Variants in PDE4DIP observed in about 807,000 individuals in gnomAD.
The protein encoded by PDE4DIP is phosphodiesterase 4D interacting protein.
A neutral mutation model predicts 221.4 loss-of-function variants in PDE4DIP; 59 were observed. That is an observed-to-expected ratio of 0.27 (90% confidence interval 0.22 to 0.33). PDE4DIP has a LOEUF of 0.33. PDE4DIP is among the 10% of genes least tolerant of loss of function. The probability of loss-of-function intolerance (pLI) is 1.00; values close to 1 mark genes in which losing one functional copy is unlikely to be tolerated. For synonymous variants in PDE4DIP, 404 were observed against 815.9 expected (o/e 0.50, Z 8.60); for missense variants, 1,036 against 2,154.2 (o/e 0.48, Z 10.28).
At chr1:149,024,305 G>A (rs1466989904) in intron 37 of PDE4DIP, 140 bp from the exon 41 acceptor site, 1 of 778,242 alleles carries the variant, frequency 1.3e-6, no homozygotes, top group African/African-American at 1.7e-5. Context: ...ACACAGAAAT[G>A]GTGACATCTC....
At chr1:148,852,459 A>AC (rs1216385965) in intron 1 of PDE4DIP, among the ~76,000 whole-genome samples, 1 of 19,674 alleles carries the variant, frequency 5.1e-5, no homozygotes, top group African/African-American at 1.7e-4. Context: ...AAAAAAAAAA[A>AC]AAAAAAAAAA....
At chr1:149,001,177 G>C (rs2065574650) in intron 23 of PDE4DIP, among the ~76,000 whole-genome samples, 1 of 151,994 alleles carries the variant, frequency 6.6e-6, no homozygotes, top group Non-Finnish European at 1.5e-5. Flanking sequence ...CCAATGGTTT[G>C]AAACTGACTG....
chr1:148,933,611 G>T (rs1241510935), intron 4 of PDE4DIP, among the ~76,000 whole-genome samples: 2 of 152,120 alleles, frequency 1.3e-5, no homozygotes, highest in Admixed American at 1.3e-4. Context: ...ATAAGACTGT[G>T]GTGGTATAAA....
At chr1:149,010,153 G>T (rs1429148441) in intron 30 of PDE4DIP, among the ~76,000 whole-genome samples, 7 of 152,178 alleles carry the variant, frequency 4.6e-5, no homozygotes, top group Non-Finnish European at 1.5e-5. Context: ...CCTGAGCAGT[G>T]TTCCCTAAGT....
chr1:148,989,452 C>T (rs1335029803), intron 21 of PDE4DIP: 38 of 505,362 alleles, frequency 7.5e-5, no homozygotes, highest in East Asian at 1.4e-4. Context: ...AGAATGCAGA[C>T]GTGGCACCAG....
chr1:148,880,157 A>G (rs1219424345), intron 3 of PDE4DIP, among the ~76,000 whole-genome samples: 5 of 59,956 alleles, frequency 8.3e-5, no homozygotes, highest in Non-Finnish European at 1.4e-4. Flanking sequence ...CTTTATCCAC[A>G]TGATGAGGCT....
At chr1:148,910,057 A>G (rs2042503464) in intron 1 of PDE4DIP, among the ~76,000 whole-genome samples, 1 of 102,858 alleles carries the variant, frequency 9.7e-6, no homozygotes, top group Admixed American at 1.0e-4. Context: ...ATATTCATGT[A>G]TAAGTCTTTG....
chr1:148,953,063 A>G (rs2053985804), intron 5 of PDE4DIP: 2 of 1,614,152 alleles, frequency 1.2e-6, no homozygotes, highest in African/African-American at 2.7e-5. Flanking sequence ...CTGCATTGCC[A>G]GTATGTATCG....
At position 148,862,147 on chromosome 1, in the gene PDE4DIP, C is replaced by T. The variant is rs1572100549; in HGVS notation, c.234-1103C>T. 2.0e-5 allele frequency among the ~76,000 whole-genome samples: 3 copies of T among 147,376 alleles called. No homozygotes were observed. The East Asian group carries it at 5.9e-4, about 29-fold the overall frequency. ...TTGCAATCCCCTCTACCTCCTCCTA[C>T]CTCCAGCTCTCCCTATCCACATTCC... On this transcript the variant is annotated intron_variant, in intron 1 of 45. Transcript: ENST00000524974.
At chr1:148,983,326 T>C (rs1482065202) in intron 21 of PDE4DIP, 1 of 152,096 alleles carries the variant, frequency 6.6e-6, no homozygotes, top group East Asian at 1.9e-4. Context: ...CAGCTCTGGG[T>C]GATTCTTCAT....
intron 1 of PDE4DIP, among the ~76,000 whole-genome samples, chr1:148,907,058 C>CAA (rs141784609): frequency 2.0e-5 from 3 of 149,370 alleles, no homozygotes; most frequent in Admixed American, 6.6e-5. Context: ...TCAAAAAAAC[C>CAA]AAAAAAAACA....
At chr1:148,987,927 G>T (rs1261350412) in intron 21 of PDE4DIP, among the ~76,000 whole-genome samples, 1 of 152,098 alleles carries the variant, frequency 6.6e-6, no homozygotes, top group Non-Finnish European at 1.5e-5. Flanking sequence ...AAAAAAAGAG[G>T]TCATGAAGTT....
chr1:149,023,632 A>G lies in PDE4DIP; in HGVS notation c.6086-813A>G, dbSNP rs868967265. On this transcript the variant is annotated intron_variant, in intron 37 of 43. Coordinates refer to ENST00000369354, the Ensembl canonical transcript of PDE4DIP. ...TGTGCACATATATATGTACATGTAT[A>G]TGTGTGCACATATATATGTACATGT... Among the ~76,000 whole-genome samples, 194 of 108,940 alleles carry G rather than the reference A, an allele frequency of 1.8e-3. 10 individuals carry two copies. The highest frequency in any genetic ancestry group is 6.2e-3 in the African/African-American group (179 of 28,778). The allele number at this position is 108,940 out of a possible 152,430, so 71.5% of individuals were successfully genotyped here.
chr1:149,030,028 A>G, intron 42 of PDE4DIP, 103 bp downstream of exon 45: 2 of 711,386 alleles, frequency 2.8e-6, no homozygotes, highest in Non-Finnish European at 4.6e-6. Flanking sequence ...GGATGTTGGG[A>G]GTTGAGACTG....
At chr1:148,877,433 CA>C (rs1691971835) in intron 3 of PDE4DIP, among the ~76,000 whole-genome samples, 1 of 147,482 alleles carries the variant, frequency 6.8e-6, no homozygotes, top group Admixed American at 6.6e-5. Context: ...ATACCTTAAG[CA>C]TTGCAGATAC....
In PDE4DIP at chr1:148,998,383, A is replaced by G; in HGVS notation, c.3137+8A>G. ...CTCAGTGTCCCACATCAGGTAGGAC[A>G]TTCTTCCCAGGGAAGGGGAGCTTGC... On this transcript the variant is annotated splice_region_variant and intron_variant, in intron 23 of 43. Coordinates refer to ENST00000369354, the Ensembl canonical transcript of PDE4DIP. The G allele has an allele frequency of 6.4e-7, 1 of 1,560,022 alleles. No homozygotes were observed. The highest frequency in any genetic ancestry group is 8.8e-7 in the Non-Finnish European group (1 of 1,132,824).
At chr1:148,824,571 A>ATTACAGTCT (rs1214919868) in intron 1 of PDE4DIP, among the ~76,000 whole-genome samples, 9 of 97,752 alleles carry the variant, frequency 9.2e-5, no homozygotes, top group Admixed American at 2.0e-4. Flanking sequence ...GAGACTGCCT[A>ATTACAGTCT]TTACAGTCTG....
At chr1:148,826,207 C>T (rs587646232) in intron 1 of PDE4DIP, among the ~76,000 whole-genome samples, 3 of 95,244 alleles carry the variant, frequency 3.1e-5, no homozygotes, top group African/African-American at 1.1e-4. Flanking sequence ...AAGAATGTAC[C>T]GAAGCCAGCA....
chr1:149,024,041 T>A (rs1285719428), intron 37 of PDE4DIP, among the ~76,000 whole-genome samples: 10 of 151,454 alleles, frequency 6.6e-5, no homozygotes, highest in Non-Finnish European at 1.5e-4. Flanking sequence ...GACCTCCTCC[T>A]TCTCTTTCAT....
Sources: gnomAD v4.1 joint callset for allele counts (sites outside exome capture counted in the v4.1 genomes callset) on GRCh38, gnomAD v4.1.1 for gene constraint, MANE v1.5 for transcripts, NCBI Gene and HGNC (gene_info 2026-07-23, HGNC 2026-07-21) for gene names.